SLMAP: variants seen among roughly 807,000 people sequenced by gnomAD.
SLMAP encodes the protein sarcolemmal membrane-associated protein.
SLMAP carries 44 observed loss-of-function variants against 128.8 expected under a neutral mutation model. The observed-to-expected ratio is 0.34, with a 90% confidence interval of 0.27 to 0.44. SLMAP has a LOEUF of 0.44. SLMAP is among the 20% of genes least tolerant of loss of function. The pLI is 1.00. For missense variants in SLMAP, 787 were observed against 985.3 expected (o/e 0.80, Z 2.69); for synonymous variants, 327 against 348.8 (o/e 0.94, Z 0.70).
At chr3:57,895,358 CAG>C (rs1405479873) in intron 15 of SLMAP, among the ~76,000 whole-genome samples, 4 of 151,848 alleles carry the variant, frequency 2.6e-5, no homozygotes, top group Admixed American at 6.6e-5. Context: ...TATTTTGAGA[CAG>C]AGTCTTGCTC....
intron 2 of SLMAP, among the ~76,000 whole-genome samples, chr3:57,812,259 C>T (rs1051462467): frequency 8.5e-5 from 13 of 152,122 alleles, no homozygotes; most frequent in African/African-American, 3.1e-4. Context: ...TATAGTGTTA[C>T]GTTAGGCTCC....
In SLMAP at chr3:57,906,310, CTTTTTT is replaced by C. The variant is rs999042505; in HGVS notation, c.1502-1557_1502-1552del. Among the ~76,000 whole-genome samples the C allele has an allele frequency of 7.1e-3, 332 of 47,032 alleles. 9 individuals carry two copies. Among genetic ancestry groups the C allele is most frequent in the African/African-American group, 0.021 (301 of 14,012 alleles). The allele number at this position is 47,032 out of a possible 152,430, so 30.9% of individuals were successfully genotyped here. A position where few individuals can be genotyped will look rare whatever the true frequency, so the allele number is the denominator to read the frequency against. ...GAATCAAATTTTTTTCTTTTTTTTT[CTTTTTT>C]TTTTTTTTTTTTTTTTAGAGACACA... On this transcript the variant is annotated intron_variant, in intron 17 of 24. Transcript: ENST00000671191.
At chr3:57,830,490 C>T (rs529854697) in intron 2 of SLMAP, among the ~76,000 whole-genome samples, 7 of 152,148 alleles carry the variant, frequency 4.6e-5, no homozygotes, top group Admixed American at 3.9e-4. Flanking sequence ...AAGAAAGGTA[C>T]GTCTTTTTTT....
At position 57,868,821 on chromosome 3, in the gene SLMAP, T is replaced by A. The variant is rs866934018; in HGVS notation, c.1238-2815T>A. 4.7e-4 allele frequency among the ~76,000 whole-genome samples: 60 copies of A among 128,406 alleles called. No homozygotes were observed. The South Asian group carries it at 9.4e-3, about 20-fold the overall frequency. The allele number at this position is 128,406 out of a possible 152,430, so 84.2% of individuals were successfully genotyped here. ...ATATATATATATATATATATATATA[T>A]AAAATATATATATGTGTATTATATA... On this transcript the variant is annotated intron_variant, in intron 13 of 24. Coordinates refer to ENST00000671191, the MANE Select transcript of SLMAP (RefSeq NM_001377540.1).
intron 2 of SLMAP, among the ~76,000 whole-genome samples, chr3:57,772,525 T>C (rs777892126): frequency 5.3e-5 from 8 of 152,240 alleles, no homozygotes; most frequent in Non-Finnish European, 8.8e-5. Context: ...CAGCTTATAA[T>C]GTTGACATTT....
chr3:57,819,288 C>A (rs1427805993), intron 2 of SLMAP, among the ~76,000 whole-genome samples: 1 of 152,132 alleles, frequency 6.6e-6, no homozygotes, highest in East Asian at 1.9e-4. Flanking sequence ...ATGTTTGAAA[C>A]AAAGTTATAT....
At position 57,757,682 on chromosome 3, in the gene SLMAP, C is replaced by T. The variant is rs767298958; in HGVS notation, c.31C>T (p.Arg11Cys). The change falls in exon 2 of 25, where the codon CGC becomes TGC. Residue 11 changes from arginine (R) to cysteine (C), a missense_variant. Physicochemically the swap from Arg to Cys is radical, Grantham distance 180 (BLOSUM62 -3). Around this residue, in one of 2 missense-constraint regions of SLMAP, gnomAD observed 72 missense variants for 141.8 expected, o/e 0.51. Transcript: ENST00000671191. ...GTCAGCCTTGGCCATCTTCACTTGC[C>T]GCCCGAACTCGCACCCGTTTCAGGA... MPSALAIFTC[R>C]PNSHPFQERH... 66 of 1,614,026 alleles carry T rather than the reference C, an allele frequency of 4.1e-5. No individual in the cohort carries two copies. In the South Asian group the frequency reaches 6.7e-4, roughly 16 times the overall value.
intron 14 of SLMAP, among the ~76,000 whole-genome samples, chr3:57,888,851 C>CAT (rs1315702188): frequency 6.6e-6 from 1 of 151,878 alleles, no homozygotes; most frequent in Non-Finnish European, 1.5e-5. Context: ...GGACAGCTTA[C>CAT]ATTATACATC....
At chr3:57,811,315 C>T (rs1164298942) in intron 2 of SLMAP, among the ~76,000 whole-genome samples, 2 of 152,128 alleles carry the variant, frequency 1.3e-5, no homozygotes, top group African/African-American at 4.8e-5. Context: ...CTGAAACTAC[C>T]TCAAATAAGA....
Position 57,912,527 on chromosome 3 carries a change from G to T in SLMAP, c.1846G>T (p.Asp616Tyr), listed in dbSNP as rs1280231738. The change falls in exon 20 of 25, where the codon GAC becomes TAC. Residue 616 changes from aspartate to tyrosine, a missense_variant. Around this residue, in one of 2 missense-constraint regions of SLMAP, gnomAD observed 715 missense variants for 843.6 expected, o/e 0.85. Transcript: ENST00000671191. ...AGCAGCAAAGGTTGCCTCTGAGCGGGACACTGACATTGCTTCTTTACAAGA... is the reference window on the plus strand; with the variant it reads ...AGCAGCAAAGGTTGCCTCTGAGCGGTACACTGACATTGCTTCTTTACAAGA... ...QAAAKVASER[D>Y]TDIASLQEEL... 6.2e-7 allele frequency: 1 copy of T among 1,614,202 alleles called. No individual in the cohort carries two copies. Among genetic ancestry groups the T allele is most frequent in the Non-Finnish European group, 8.5e-7 (1 of 1,180,024 alleles).
In SLMAP at chr3:57,757,020, C is replaced by G. The variant is rs1470722623; in HGVS notation, c.-632C>G. 1 of 153,350 alleles carries G rather than the reference C, an allele frequency of 6.5e-6. No homozygotes were observed. Among genetic ancestry groups the G allele is most frequent in the East Asian group, 1.9e-4 (1 of 5,176 alleles). 9.5% of individuals were successfully genotyped at this position (153,350 alleles called of 1,614,324 possible). ...CGTGCCAGGCCGGGGACCGCGTCCC[C>G]CTTCCCGGGGCGGCCTCCGCTCAGC... On this transcript the variant is annotated 5_prime_UTR_variant, in exon 2 of 25. Coordinates refer to ENST00000671191, the MANE Select transcript of SLMAP (RefSeq NM_001377540.1).
intron 15 of SLMAP, among the ~76,000 whole-genome samples, chr3:57,895,440 A>G (rs1048074336): frequency 9.2e-5 from 14 of 152,046 alleles, no homozygotes; most frequent in Middle Eastern, 3.4e-3. Context: ...AGTTCAAGCA[A>G]TTCTCTGCCT....
chr3:57,820,455 T>C (rs568745034), intron 2 of SLMAP, among the ~76,000 whole-genome samples: 5 of 152,262 alleles, frequency 3.3e-5, no homozygotes, highest in African/African-American at 4.8e-5. Flanking sequence ...CCCATCAGTT[T>C]TGGGGTGTGG....
At chr3:57,842,171 G>C (rs185535165) in intron 4 of SLMAP, among the ~76,000 whole-genome samples, 1 of 152,242 alleles carries the variant, frequency 6.6e-6, no homozygotes, top group African/African-American at 2.4e-5. Context: ...CATTGAATAG[G>C]AAAGTGAGAA....
intron 14 of SLMAP, among the ~76,000 whole-genome samples, chr3:57,876,118 AG>A (rs2095598133): frequency 1.3e-5 from 2 of 152,220 alleles, no homozygotes; most frequent in Non-Finnish European, 2.9e-5. Context: ...ATTATTTATT[AG>A]TGCTTCTATA....
intron 15 of SLMAP, among the ~76,000 whole-genome samples, chr3:57,892,040 A>G (rs187771983): frequency 6.6e-6 from 1 of 152,328 alleles, no homozygotes; most frequent in Admixed American, 6.5e-5. Flanking sequence ...TATATTCTTT[A>G]AGAATAATAC....
rs184182472 is a variant in SLMAP, at chr3:57,879,623, A to G, written c.1300+7925A>G. Among the ~76,000 whole-genome samples the G allele has an allele frequency of 2.0e-5, 3 of 152,334 alleles. No individual in the cohort carries two copies. In the East Asian group the frequency reaches 5.8e-4, roughly 29 times the overall value. ...GTATATTTGGGTAGTGTGACTATAAAGAAATATAAGAAATTAAATACCATG... is the reference window on the plus strand; with the variant it reads ...GTATATTTGGGTAGTGTGACTATAAGGAAATATAAGAAATTAAATACCATG... On this transcript the variant is annotated intron_variant, in intron 14 of 24. Coordinates refer to ENST00000671191, the MANE Select transcript of SLMAP (RefSeq NM_001377540.1).
intron 2 of SLMAP, among the ~76,000 whole-genome samples, chr3:57,794,577 G>A (rs1576591599): frequency 6.6e-6 from 1 of 152,022 alleles, no homozygotes; most frequent in Admixed American, 6.5e-5. Context: ...GTATTCATTA[G>A]CAGTCACCCC....
rs1330809082 is a variant in SLMAP at position 57,925,938 on chromosome 3, C to T, written c.*6+4C>T. The T allele has an allele frequency of 6.5e-7, 1 of 1,545,814 alleles. No homozygotes were observed. The highest frequency in any genetic ancestry group is 1.2e-5 in the South Asian group (1 of 83,930). ...CGGTCCATTGTGGTAGAGAAAGGTACAAGCACTATTGTTGAGTCCTTGTCT... is the reference window on the plus strand; with the variant it reads ...CGGTCCATTGTGGTAGAGAAAGGTATAAGCACTATTGTTGAGTCCTTGTCT... On this transcript the variant is annotated splice_donor_region_variant and intron_variant, in intron 24 of 24. Coordinates refer to ENST00000671191, the MANE Select transcript of SLMAP (RefSeq NM_001377540.1).
Sources: allele counts gnomAD v4.1 joint callset (sites outside exome capture counted in the v4.1 genomes callset), GRCh38; gene constraint gnomAD v4.1.1; regional missense constraint gnomAD v4.1.1; transcripts MANE v1.5; gene names NCBI Gene and HGNC (gene_info 2026-07-23, HGNC 2026-07-21).